Variants in PARD3 observed in about 807,000 individuals in gnomAD.
The protein encoded by PARD3 is par-3 family cell polarity regulator.
PARD3 carries 75 observed loss-of-function variants against 155.4 expected under a neutral mutation model. The ratio of observed to expected loss-of-function variants is 0.48; its 90% CI spans 0.40 to 0.58. The LOEUF is 0.58. PARD3 is among the 20% of genes least tolerant of loss of function. PARD3 has a pLI of 0.00. For missense variants in PARD3, 1,642 were observed against 1,721.7 expected (o/e 0.95, Z 0.82); for synonymous variants, 576 against 610.5 (o/e 0.94, Z 0.83).
chr10:34,113,354 T>C (rs1946490213), intron 24 of PARD3, among the ~76,000 whole-genome samples: 1 of 152,074 alleles, frequency 6.6e-6, no homozygotes, highest in Admixed American at 6.6e-5. Context: ...TAAAGGTTTG[T>C]TAGGGATGGA....
At chr10:34,414,357 G>A (rs1845438746) in intron 5 of PARD3, among the ~76,000 whole-genome samples, 1 of 152,076 alleles carries the variant, frequency 6.6e-6, no homozygotes, top group Admixed American at 6.6e-5. Context: ...GTTTTCTCAA[G>A]GCACTTAAAA....
chr10:34,730,448 G>A (rs2094796465), intron 1 of PARD3, among the ~76,000 whole-genome samples: 1 of 151,968 alleles, frequency 6.6e-6, no homozygotes. Flanking sequence ...AGAAATCAGG[G>A]GAAATCAATT....
At chr10:34,505,005 C>T (rs1467490912) in intron 3 of PARD3, among the ~76,000 whole-genome samples, 1 of 151,944 alleles carries the variant, frequency 6.6e-6, no homozygotes, top group Admixed American at 6.6e-5. Context: ...AAAAACGAAC[C>T]CAAGTACCTG....
intron 19 of PARD3, among the ~76,000 whole-genome samples, chr10:34,321,963 C>T (rs191296779): frequency 0.012 from 1,885 of 151,678 alleles, 41 homozygotes; most frequent in African/African-American, 0.043. Context: ...AGTCTATTTC[C>T]CCCCCCCATT....
At chr10:34,673,735 C>A (rs1485566614) in intron 2 of PARD3, among the ~76,000 whole-genome samples, 1 of 152,102 alleles carries the variant, frequency 6.6e-6, no homozygotes, top group East Asian at 1.9e-4. Flanking sequence ...CTCTCTACTA[C>A]AAACAAGAGA....
intron 22 of PARD3, among the ~76,000 whole-genome samples, chr10:34,167,152 G>C (rs933032558): frequency 3.3e-5 from 5 of 152,134 alleles, no homozygotes; most frequent in African/African-American, 1.2e-4. Flanking sequence ...ACCTGTCAAG[G>C]AAATCTCCCA....
chr10:34,233,805 C>T (rs1415884666), intron 22 of PARD3, among the ~76,000 whole-genome samples: 1 of 152,122 alleles, frequency 6.6e-6, no homozygotes, highest in African/African-American at 2.4e-5. Flanking sequence ...GCAGCAGCAG[C>T]TCCCTCACAC....
chr10:34,399,475 C>A, intron 6 of PARD3, 62 bp from the exon 7 acceptor site: 1 of 1,025,740 alleles, frequency 9.7e-7, no homozygotes. Flanking sequence ...AAAACCAAAA[C>A]AAAACAAAAC....
At chr10:34,119,108 T>C (rs1431390521) in intron 24 of PARD3, among the ~76,000 whole-genome samples, 1 of 152,134 alleles carries the variant, frequency 6.6e-6, no homozygotes, top group Non-Finnish European at 1.5e-5. Flanking sequence ...CCCTCTAAAG[T>C]TAAACATGGG....
In PARD3 at chr10:34,784,934, T is replaced by A. The variant is rs140857029; in HGVS notation, c.120+29942A>T. Among the ~76,000 whole-genome samples, 310 of 152,328 alleles carry A rather than the reference T, an allele frequency of 2.0e-3. 1 individual carries two copies. The highest frequency in any genetic ancestry group is 7.2e-3 in the African/African-American group (298 of 41,582). ...TCATTCCCATTTTCACCTCTTAATG[T>A]CCTCTTTGAAAAGTTAGTGCCAGAA... On this transcript the variant is annotated intron_variant, in intron 1 of 24. Transcript: ENST00000374788.
intron 3 of PARD3, among the ~76,000 whole-genome samples, chr10:34,486,790 G>C (rs2079504400): frequency 6.6e-6 from 1 of 152,046 alleles, no homozygotes; most frequent in African/African-American, 2.4e-5. Flanking sequence ...TTACCCTTTT[G>C]TGACTCTGAG....
chr10:34,773,240 T>C (rs1313040274), intron 1 of PARD3, among the ~76,000 whole-genome samples: 1 of 152,266 alleles, frequency 6.6e-6, no homozygotes, highest in African/African-American at 2.4e-5. Context: ...AGTTATAACA[T>C]GTTTAACCTT....
rs867267179 is a variant in PARD3, at chr10:34,799,840, C to A, written c.120+15036G>T. 2.2e-3 allele frequency among the ~76,000 whole-genome samples: 316 copies of A among 140,778 alleles called. 2 individuals carry two copies. The highest frequency in any genetic ancestry group is 8.2e-3 in the African/African-American group (300 of 36,794). The allele number at this position is 140,778 out of a possible 152,430, so 92.4% of individuals were successfully genotyped here. A position where few individuals can be genotyped will look rare whatever the true frequency, so the allele number is the denominator to read the frequency against. On this transcript the variant is annotated intron_variant, in intron 1 of 24. Transcript: ENST00000374788. The stretch of plus-strand genomic sequence containing the variant: ...ACCTCATCTCTACAAAAAAAAAAAA[C>A]AAGTTAGCCAAGTGTGGTGGCGCAT...
intron 22 of PARD3, among the ~76,000 whole-genome samples, chr10:34,191,595 G>A (rs1378560363): frequency 1.5e-5 from 2 of 136,780 alleles, no homozygotes; most frequent in Non-Finnish European, 3.0e-5. Flanking sequence ...GCCAGAAGAT[G>A]CTTTTCAATT....
chr10:34,203,138 C>T (rs1414574001), intron 22 of PARD3, among the ~76,000 whole-genome samples: 5 of 152,076 alleles, frequency 3.3e-5, no homozygotes, highest in African/African-American at 9.7e-5. Flanking sequence ...TTTTGAAGGT[C>T]GTTTTATGGC....
intron 1 of PARD3, among the ~76,000 whole-genome samples, chr10:34,734,295 T>C (rs1189002542): frequency 1.3e-5 from 2 of 149,528 alleles, no homozygotes; most frequent in African/African-American, 4.9e-5. Context: ...TCATTGAAGA[T>C]TACACATATA....
intron 5 of PARD3, among the ~76,000 whole-genome samples, chr10:34,410,097 G>A (rs1844897276): frequency 6.6e-6 from 1 of 152,084 alleles, no homozygotes. Flanking sequence ...CTAACTAGGT[G>A]CTCAACACCA....
At chr10:34,799,617 T>C (rs1842653831) in intron 1 of PARD3, among the ~76,000 whole-genome samples, 1 of 152,284 alleles carries the variant, frequency 6.6e-6, no homozygotes, top group Non-Finnish European at 1.5e-5. Context: ...TCTTATGGAA[T>C]TGCAGCATCT....
chr10:34,776,833 T>TTTTGGGGGGGGGG (rs1564608800), intron 1 of PARD3, among the ~76,000 whole-genome samples: 1 of 9,906 alleles, frequency 1.0e-4, no homozygotes, highest in African/African-American at 2.9e-4. Flanking sequence ...CGTGTTTTTT[T>TTTTGGGGGGGGGG]GTGGGGGGGG....
Sources: allele counts gnomAD v4.1 joint callset (sites outside exome capture counted in the v4.1 genomes callset), GRCh38; gene constraint gnomAD v4.1.1; transcripts MANE v1.5; gene names NCBI Gene and HGNC (gene_info 2026-07-23, HGNC 2026-07-21).